MARCHF5: variants seen among roughly 807,000 people sequenced by gnomAD.
The protein encoded by MARCHF5 is membrane associated ring-CH-type finger 5, also known as E3 ubiquitin-protein ligase MARCHF5.
A neutral mutation model predicts 36.5 loss-of-function variants in MARCHF5; 5 were observed. The observed-to-expected ratio is 0.14, with a 90% CI of 0.07 to 0.29. The LOEUF (loss-of-function observed/expected upper bound fraction) is 0.29, where lower values mean the gene tolerates loss of function less well. MARCHF5 is among the 10% of genes least tolerant of loss of function. MARCHF5 has a pLI of 1.00. For missense variants in MARCHF5, 179 were observed against 336.3 expected (o/e 0.53, Z 3.66); for synonymous variants, 103 against 109.9 (o/e 0.94, Z 0.39).
chr10:92,344,266 A>G (rs907624635), intron 3 of MARCHF5, among the ~76,000 whole-genome samples: 6 of 152,314 alleles, frequency 3.9e-5, no homozygotes, highest in African/African-American at 1.4e-4. Context: ...TAGATAGATA[A>G]ATGTGATAAG....
chr10:92,340,905 C>A, intron 3 of MARCHF5, 102 bp downstream of exon 3: 2 of 1,051,586 alleles, frequency 1.9e-6, no homozygotes, highest in Non-Finnish European at 2.7e-6. Context: ...TAAGAAATAA[C>A]ATTCTCATGT....
intron 2 of MARCHF5, among the ~76,000 whole-genome samples, chr10:92,319,297 C>CT (rs35540447): frequency 0.54 from 76,627 of 142,300 alleles, 21,139 homozygotes; most frequent in Admixed American, 0.65. Context: ...ATCTACTTTA[C>CT]TTTTTTTTTT....
intron 2 of MARCHF5, among the ~76,000 whole-genome samples, chr10:92,338,645 A>G (rs980916904): frequency 1.3e-5 from 2 of 152,216 alleles, no homozygotes; most frequent in Non-Finnish European, 2.9e-5. Context: ...TCTCTACTTT[A>G]CAATGTATAG....
At chr10:92,321,337 G>A (rs756065341) in intron 2 of MARCHF5, among the ~76,000 whole-genome samples, 32 of 152,064 alleles carry the variant, frequency 2.1e-4, no homozygotes, top group Admixed American at 2.1e-3. Context: ...GTTGGGTTTT[G>A]TCAAATGCTG....
intron 3 of MARCHF5, among the ~76,000 whole-genome samples, chr10:92,341,989 A>C (rs1365826019): frequency 1.3e-5 from 2 of 151,592 alleles, no homozygotes; most frequent in Non-Finnish European, 2.9e-5. Flanking sequence ...GGGTCTCACT[A>C]TGTTACCAAG....
intron 2 of MARCHF5, among the ~76,000 whole-genome samples, chr10:92,324,344 C>G (rs1446136725): frequency 6.6e-6 from 1 of 151,670 alleles, no homozygotes; most frequent in African/African-American, 2.4e-5. Context: ...TTCTCCTTTT[C>G]TTTCTTTCTT....
chr10:92,314,318 GAT>G (rs1431386357), intron 2 of MARCHF5, among the ~76,000 whole-genome samples: 2 of 152,122 alleles, frequency 1.3e-5, no homozygotes, highest in African/African-American at 4.8e-5. Context: ...TAAAATCATA[GAT>G]ATGTTTTAAT....
At chr10:92,348,746 T>C (rs1018538676) in intron 3 of MARCHF5, among the ~76,000 whole-genome samples, 4 of 152,124 alleles carry the variant, frequency 2.6e-5, no homozygotes, top group Non-Finnish European at 4.4e-5. Context: ...TAACCAAAAC[T>C]GGACCTCCTA....
chr10:92,344,806 T>G (rs1843621855), intron 3 of MARCHF5, among the ~76,000 whole-genome samples: 1 of 152,262 alleles, frequency 6.6e-6, no homozygotes. Context: ...AGGACCTTCC[T>G]CTTGCATTTT....
intron 2 of MARCHF5, among the ~76,000 whole-genome samples, chr10:92,314,989 G>A (rs1254582540): frequency 1.3e-5 from 2 of 152,200 alleles, no homozygotes; most frequent in African/African-American, 4.8e-5. Flanking sequence ...GCCAGCTGTT[G>A]TCTGTAAATG....
At chr10:92,335,650 G>A (rs1305725400) in intron 2 of MARCHF5, among the ~76,000 whole-genome samples, 1 of 152,088 alleles carries the variant, frequency 6.6e-6, no homozygotes, top group South Asian at 2.1e-4. Flanking sequence ...TATAACACAA[G>A]AGATGAGTAG....
intron 3 of MARCHF5, 87 bp downstream of exon 3, chr10:92,340,890 T>C: frequency 4.3e-6 from 5 of 1,165,582 alleles, no homozygotes; most frequent in Admixed American, 2.7e-5. Flanking sequence ...GTGTATTATT[T>C]TGAATAAGAA....
chr10:92,302,457 T>G (rs1843027118), intron 1 of MARCHF5, among the ~76,000 whole-genome samples: 1 of 151,552 alleles, frequency 6.6e-6, no homozygotes, highest in Admixed American at 6.6e-5. Flanking sequence ...TCTTTTTTTT[T>G]TTTTGAGACG....
At chr10:92,331,629 T>A (rs1156550098) in intron 2 of MARCHF5, among the ~76,000 whole-genome samples, 1 of 151,968 alleles carries the variant, frequency 6.6e-6, no homozygotes, top group Admixed American at 6.6e-5. Flanking sequence ...TAGTAAAATG[T>A]GTTTACAATA....
chr10:92,346,790 C>T (rs1055326965), intron 3 of MARCHF5, among the ~76,000 whole-genome samples: 4 of 151,960 alleles, frequency 2.6e-5, no homozygotes, highest in African/African-American at 9.7e-5. Context: ...ACCCCTACTT[C>T]CTTTTTGTTT....
chr10:92,306,144 G>C (rs150466373), intron 1 of MARCHF5, among the ~76,000 whole-genome samples: 5 of 152,158 alleles, frequency 3.3e-5, no homozygotes, highest in South Asian at 2.1e-4. Context: ...TCTCAATGCC[G>C]TCAGTTTCCA....
At position 92,351,193 on chromosome 10, in the gene MARCHF5, CAAG is replaced by C. The variant is rs1331111195; in HGVS notation, c.830_832del (p.Glu277del). The C allele has an allele frequency of 6.2e-7, 1 of 1,605,972 alleles. No homozygotes were observed. Among genetic ancestry groups the C allele is most frequent in the African/African-American group, 1.3e-5 (1 of 74,822 alleles). The stretch of plus-strand genomic sequence containing the variant: ...CCGCAAAATTCTGAATTATCCAGAA[CAAG>C]AAGAAGCATAAAACTGACTTCTGGT... On this transcript the variant is annotated inframe_deletion, in exon 6 of 6. Transcript: ENST00000358935.
chr10:92,294,804 G>T (rs181698241), intron 1 of MARCHF5, among the ~76,000 whole-genome samples: 3 of 152,164 alleles, frequency 2.0e-5, no homozygotes, highest in African/African-American at 7.2e-5. Context: ...TTGGGAGGCC[G>T]AGATGAGAGG....
intron 2 of MARCHF5, among the ~76,000 whole-genome samples, chr10:92,335,986 A>AAATC (rs1353015164): frequency 6.6e-6 from 1 of 152,246 alleles, no homozygotes; most frequent in African/African-American, 2.4e-5. Flanking sequence ...AACTTGGGGT[A>AAATC]AATCAATGAT....
Sources: gnomAD v4.1 joint callset for allele counts (sites outside exome capture counted in the v4.1 genomes callset) on GRCh38, gnomAD v4.1.1 for gene constraint, MANE v1.5 for transcripts, NCBI Gene and HGNC (gene_info 2026-07-23, HGNC 2026-07-21) for gene names.